JAM2: variants seen among roughly 807,000 people sequenced by gnomAD.
The protein encoded by JAM2 is junctional adhesion molecule 2.
Under a neutral mutation model 42.0 loss-of-function variants are expected in JAM2, and 17 were observed. The ratio of observed to expected loss-of-function variants is 0.40; its 90% CI spans 0.28 to 0.61. JAM2 has a LOEUF of 0.61. Ranked by LOEUF, JAM2 falls within the 20% of genes least tolerant of loss-of-function variation. JAM2 has a pLI of 0.37. For missense variants in JAM2, 319 were observed against 358.3 expected (o/e 0.89, Z 0.89); for synonymous variants, 118 against 128.6 (o/e 0.92, Z 0.56).
intron 1 of JAM2, among the ~76,000 whole-genome samples, chr21:25,666,323 T>TATTATTATTATTATTATTATTATC (rs2033221172): frequency 6.6e-6 from 1 of 150,470 alleles, no homozygotes; most frequent in African/African-American, 2.5e-5. Flanking sequence ...CTTTTATTAT[T>TATTATTATTATTATTATTATTATC]ATTATTATTA....
At chr21:25,673,655 G>T (rs2829856) in intron 1 of JAM2, among the ~76,000 whole-genome samples, 38,804 of 152,080 alleles carry the variant, frequency 0.26, 5,392 homozygotes, top group African/African-American at 0.35. Context: ...ATAATGCCTT[G>T]TACTGATTTG....
At chr21:25,642,619 A>G (rs1445797227) in intron 1 of JAM2, among the ~76,000 whole-genome samples, 2 of 152,054 alleles carry the variant, frequency 1.3e-5, no homozygotes, top group Admixed American at 1.3e-4. Context: ...TGTTATTTAA[A>G]CGATGATGTC....
chr21:25,688,321 A>T (rs189359314), intron 2 of JAM2, among the ~76,000 whole-genome samples: 1 of 151,532 alleles, frequency 6.6e-6, no homozygotes. Context: ...TGCGTATCTA[A>T]ATATGTAAAA....
intron 4 of JAM2, among the ~76,000 whole-genome samples, chr21:25,696,533 C>T (rs1417339964): frequency 1.3e-5 from 2 of 152,168 alleles, no homozygotes; most frequent in Non-Finnish European, 2.9e-5. Context: ...GCAGATCCGG[C>T]CAGTTTATTC....
At chr21:25,685,302 C>T (rs1382496109) in intron 2 of JAM2, among the ~76,000 whole-genome samples, 2 of 151,816 alleles carry the variant, frequency 1.3e-5, no homozygotes, top group South Asian at 4.2e-4. Flanking sequence ...TAATCTCAAA[C>T]TCCTGAGGCC....
rs542739172 is a variant in JAM2 at position 25,641,340 on chromosome 21, C to A, written c.67+1452C>A. Among the ~76,000 whole-genome samples, 3 of 152,226 alleles carry A rather than the reference C, an allele frequency of 2.0e-5. No homozygotes were observed. The South Asian group carries it at 6.2e-4, about 32-fold the overall frequency. ...AGAAAATCGTTCTGCTGTGCTATTC[C>A]TATTGAATCACCAACATAGAAACAA... On this transcript the variant is annotated intron_variant, in intron 1 of 9. Transcript: ENST00000480456.
At chr21:25,711,464 A>T in intron 8 of JAM2, 2 of 454,098 alleles carry the variant, frequency 4.4e-6, no homozygotes, top group Non-Finnish European at 8.8e-6. Flanking sequence ...GATATACTGA[A>T]GCCATGGCTT....
At position 25,717,297 on chromosome 21, in the gene JAM2, G is replaced by A. The variant is rs2034496913; in HGVS notation, c.*2625G>A. Reference sequence around the variant, plus strand: ...TGAGGAACTTGAACACTAACAACTGGTAAAATCCCATTGTAATTCTTACAG... The same window carrying A: ...TGAGGAACTTGAACACTAACAACTGATAAAATCCCATTGTAATTCTTACAG... On this transcript the variant is annotated 3_prime_UTR_variant, in exon 10 of 10. Coordinates refer to ENST00000480456, the MANE Select transcript of JAM2 (RefSeq NM_021219.4). The A allele has an allele frequency of 6.0e-6, 1 of 165,396 alleles. No homozygotes were observed. The highest frequency in any genetic ancestry group is 1.7e-4 in the South Asian group (1 of 5,720). The allele number at this position is 165,396 out of a possible 1,614,324, so 10.2% of individuals were successfully genotyped here. A position where few individuals can be genotyped will look rare whatever the true frequency, so the allele number is the denominator to read the frequency against.
chr21:25,694,682 A>T (rs976698400), intron 4 of JAM2, among the ~76,000 whole-genome samples: 11 of 152,098 alleles, frequency 7.2e-5, no homozygotes, highest in Middle Eastern at 3.4e-3. Context: ...TCTAAAAAAA[A>T]ATAAATAAAA....
At chr21:25,652,762 C>T (rs2032817433) in intron 1 of JAM2, among the ~76,000 whole-genome samples, 1 of 152,170 alleles carries the variant, frequency 6.6e-6, no homozygotes, top group South Asian at 2.1e-4. Context: ...TGAGTTTGAA[C>T]TCACAATGCT....
chr21:25,689,342 G>C (rs894604546), intron 2 of JAM2, among the ~76,000 whole-genome samples: 1 of 152,178 alleles, frequency 6.6e-6, no homozygotes, highest in Non-Finnish European at 1.5e-5. Context: ...AAACTTTTCT[G>C]AGTTTCCCAG....
chr21:25,695,578 G>C (rs1243429916), intron 4 of JAM2, among the ~76,000 whole-genome samples: 5 of 126,006 alleles, frequency 4.0e-5, no homozygotes, highest in African/African-American at 9.4e-5. Context: ...CCCACCTCCC[G>C]GACGGGGCGG....
chr21:25,669,411 A>AT (rs2033304916), intron 1 of JAM2, among the ~76,000 whole-genome samples: 1 of 151,992 alleles, frequency 6.6e-6, no homozygotes, highest in African/African-American at 2.4e-5. Context: ...AAAAAAGAAG[A>AT]TGGGGGAAAA....
intron 1 of JAM2, among the ~76,000 whole-genome samples, chr21:25,677,098 A>G (rs1211458414): frequency 6.6e-6 from 1 of 152,174 alleles, no homozygotes; most frequent in Non-Finnish European, 1.5e-5. Flanking sequence ...GGTACAATGT[A>G]TGTTTGGATG....
At position 25,639,990 on chromosome 21, in the gene JAM2, G is replaced by A; in HGVS notation, c.67+102G>A. ...GCTGACAGTGTCTGGGCGGCTCTGG[G>A]CCGAGGTCGCCGCGGGGCGTCTGAC... On this transcript the variant is annotated intron_variant, in intron 1 of 9. Coordinates refer to ENST00000480456, the MANE Select transcript of JAM2 (RefSeq NM_021219.4). 1.0e-5 allele frequency: 8 copies of A among 778,960 alleles called. No homozygotes were observed. In the South Asian group the frequency reaches 1.3e-4, roughly 12 times the overall value. 48.3% of individuals were successfully genotyped at this position (778,960 alleles called of 1,614,324 possible). A position where few individuals can be genotyped will look rare whatever the true frequency, so the allele number is the denominator to read the frequency against.
intron 4 of JAM2, among the ~76,000 whole-genome samples, chr21:25,698,324 CT>C (rs1334992979): frequency 6.6e-6 from 1 of 152,194 alleles, no homozygotes. Context: ...TTGACACCTA[CT>C]TGGTAGTTGC....
chr21:25,671,744 A>G (rs902814847), intron 1 of JAM2, among the ~76,000 whole-genome samples: 2 of 152,166 alleles, frequency 1.3e-5, no homozygotes, highest in African/African-American at 4.8e-5. Flanking sequence ...CCTGACCTCA[A>G]GCAATCTGCT....
At chr21:25,646,155 G>C (rs1600986666) in intron 1 of JAM2, among the ~76,000 whole-genome samples, 2 of 152,270 alleles carry the variant, frequency 1.3e-5, no homozygotes, top group Admixed American at 1.3e-4. Flanking sequence ...GAATTTTTCA[G>C]CTCCATTATA....
At position 25,717,009 on chromosome 21, in the gene JAM2, A is replaced by G. The variant is rs982016250; in HGVS notation, c.*2337A>G. ...AAATATGTAGTGCCTTAGCTTCACT[A>G]ATAGTTGTAAAACTTCTTTTTAAGA... On this transcript the variant is annotated 3_prime_UTR_variant, in exon 10 of 10. Transcript: ENST00000480456. 6.6e-6 allele frequency: 1 copy of G among 152,250 alleles called. No homozygotes were observed. Among genetic ancestry groups the G allele is most frequent in the African/African-American group, 2.4e-5 (1 of 41,466 alleles). The allele number at this position is 152,250 out of a possible 1,614,324, so 9.4% of individuals were successfully genotyped here. A position where few individuals can be genotyped will look rare whatever the true frequency, so the allele number is the denominator to read the frequency against.
Sources: gnomAD v4.1 joint callset for allele counts (sites outside exome capture counted in the v4.1 genomes callset) on GRCh38, gnomAD v4.1.1 for gene constraint, MANE v1.5 for transcripts, NCBI Gene and HGNC (gene_info 2026-07-23, HGNC 2026-07-21) for gene names.